ROCK1: variants seen among roughly 807,000 people sequenced by gnomAD.
The protein encoded by ROCK1 is rho-associated protein kinase 1.
A neutral mutation model predicts 196.8 loss-of-function variants in ROCK1; 36 were observed. The observed-to-expected ratio is 0.18, with a 90% confidence interval of 0.14 to 0.24. The LOEUF is 0.24. Among genes scored for constraint, ROCK1 ranks in the 10% least tolerant of loss-of-function variants. ROCK1 has a pLI of 1.00. For missense variants in ROCK1, 920 were observed against 1,562.0 expected (o/e 0.59, Z 6.93); for synonymous variants, 443 against 515.9 (o/e 0.86, Z 1.91).
chr18:21,006,244 A>G (rs2035767712), intron 16 of ROCK1, 107 bp downstream of exon 16: 1 of 841,954 alleles, frequency 1.2e-6, no homozygotes, highest in East Asian at 2.7e-5. Context: ...GGTTGCATAC[A>G]TTGTGAACTG....
intron 1 of ROCK1, among the ~76,000 whole-genome samples, chr18:21,094,104 G>A (rs1395391323): frequency 6.6e-6 from 1 of 152,192 alleles, no homozygotes; most frequent in Non-Finnish European, 1.5e-5. Context: ...TAAAGTTCCA[G>A]TGCTGTAGGC....
chr18:21,082,542 A>C (rs369840304), intron 1 of ROCK1, among the ~76,000 whole-genome samples: 8 of 152,320 alleles, frequency 5.3e-5, no homozygotes, highest in African/African-American at 1.9e-4. Context: ...AAAATATTTT[A>C]ATGTAATCTA....
intron 2 of ROCK1, among the ~76,000 whole-genome samples, chr18:21,055,500 T>C (rs776737321): frequency 6.6e-6 from 1 of 152,162 alleles, no homozygotes; most frequent in Non-Finnish European, 1.5e-5. Context: ...ACTATCAGCA[T>C]GTACAAGCAT....
At chr18:21,061,579 C>A (rs775689334) in intron 2 of ROCK1, among the ~76,000 whole-genome samples, 1 of 152,150 alleles carries the variant, frequency 6.6e-6, no homozygotes, top group Admixed American at 6.5e-5. Flanking sequence ...TTAAGACCCA[C>A]AGAACTATAC....
At chr18:21,088,374 T>C (rs1417420646) in intron 1 of ROCK1, among the ~76,000 whole-genome samples, 1 of 152,130 alleles carries the variant, frequency 6.6e-6, no homozygotes, top group Non-Finnish European at 1.5e-5. Context: ...CACACGCCTG[T>C]GGTCCCAGCT....
At chr18:20,991,074 T>C in intron 18 of ROCK1, 102 bp downstream of exon 18, 5 of 893,732 alleles carry the variant, frequency 5.6e-6, no homozygotes, top group Non-Finnish European at 8.6e-6. Flanking sequence ...ATTTATATTA[T>C]ACTTTCTACG....
At chr18:21,072,752 T>C (rs2036395951) in intron 1 of ROCK1, among the ~76,000 whole-genome samples, 1 of 152,106 alleles carries the variant, frequency 6.6e-6, no homozygotes, top group Non-Finnish European at 1.5e-5. Flanking sequence ...AACATGTCCA[T>C]CATATAGCTT....
intron 13 of ROCK1, among the ~76,000 whole-genome samples, chr18:21,012,148 G>A (rs1294764461): frequency 3.3e-5 from 5 of 151,970 alleles, no homozygotes; most frequent in Non-Finnish European, 5.9e-5. Context: ...ATGGGGTTTT[G>A]CCATGTTGGC....
At chr18:21,069,488 A>C (rs1215947885) in intron 2 of ROCK1, among the ~76,000 whole-genome samples, 1 of 152,128 alleles carries the variant, frequency 6.6e-6, no homozygotes, top group Non-Finnish European at 1.5e-5. Flanking sequence ...CTCTATTTAT[A>C]AAATATACAA....
intron 2 of ROCK1, among the ~76,000 whole-genome samples, chr18:21,059,974 T>C (rs1455043232): frequency 1.3e-5 from 2 of 152,246 alleles, no homozygotes; most frequent in Non-Finnish European, 2.9e-5. Flanking sequence ...AATGTCTCTA[T>C]AGAGTCGGCA....
chr18:21,015,851 G>A (rs544995695), intron 12 of ROCK1, among the ~76,000 whole-genome samples: 2 of 151,476 alleles, frequency 1.3e-5, no homozygotes, highest in African/African-American at 4.8e-5. Flanking sequence ...ATGGTGGCGG[G>A]CGCCTGTAAT....
At chr18:20,988,027 C>G (rs796763861) in intron 18 of ROCK1, among the ~76,000 whole-genome samples, 5 of 152,142 alleles carry the variant, frequency 3.3e-5, no homozygotes, top group African/African-American at 1.2e-4. Context: ...TTACTTCTGG[C>G]CTATCCCCAA....
At chr18:21,102,720 G>T (rs1598564123) in intron 1 of ROCK1, among the ~76,000 whole-genome samples, 2 of 152,048 alleles carry the variant, frequency 1.3e-5, no homozygotes, top group Admixed American at 6.6e-5. Flanking sequence ...ACAAAAATTA[G>T]CCAGGCATGG....
At chr18:20,959,087 T>TAA (rs1568367376) in intron 29 of ROCK1, among the ~76,000 whole-genome samples, 1 of 30,320 alleles carries the variant, frequency 3.3e-5, no homozygotes, top group African/African-American at 1.9e-4. Flanking sequence ...TATATATATT[T>TAA]TATATAATAT....
intron 12 of ROCK1, 21 bp from the exon 13 acceptor site, chr18:21,015,500 C>T (rs1287324777): frequency 2.7e-6 from 4 of 1,455,822 alleles, no homozygotes; most frequent in South Asian, 1.2e-5. Context: ...AAAAGCAATA[C>T]AGATTAGAAA....
intron 21 of ROCK1, among the ~76,000 whole-genome samples, chr18:20,980,458 T>C (rs1402629156): frequency 3.3e-5 from 5 of 151,912 alleles, no homozygotes; most frequent in African/African-American, 1.2e-4. Flanking sequence ...TCATTGTCTG[T>C]GTATAGAGGT....
In ROCK1 at chr18:21,023,609, A is replaced by G. The variant is rs2035932564; in HGVS notation, c.1272+11T>C. 2 of 1,464,510 alleles carry G rather than the reference A, an allele frequency of 1.4e-6. No homozygotes were observed. Among genetic ancestry groups the G allele is most frequent in the African/African-American group, 2.9e-5 (2 of 69,692 alleles). The allele number at this position is 1,464,510 out of a possible 1,614,324, so 90.7% of individuals were successfully genotyped here. Reference sequence around the variant, plus strand: ...TAAAAACAATTTTCTTAATACTAAGAAAATACCTACCAAGCTTTTATCTGC... The same window carrying G: ...TAAAAACAATTTTCTTAATACTAAGGAAATACCTACCAAGCTTTTATCTGC... On this transcript the variant is annotated intron_variant, in intron 11 of 32. Transcript: ENST00000399799.
chr18:20,959,064 T>TATATAATATATATATTATATA (rs2035286964), intron 29 of ROCK1, among the ~76,000 whole-genome samples: 2 of 45,940 alleles, frequency 4.4e-5, no homozygotes, highest in African/African-American at 3.3e-4. Context: ...ATATTATATT[T>TATATAATATATATATTATATA]TATATTATAT....
At position 21,026,445 on chromosome 18, in the gene ROCK1, GAAAAAAAAAAAAA is replaced by G. The variant is rs747563785; in HGVS notation, c.1211+2318_1211+2330del. ...GGCAACAAGAGCAAAACTCTGTCTC[GAAAAAAAAAAAAA>G]AAAAAAAAAAAAGAATGCTTCAGCA... On this transcript the variant is annotated intron_variant, in intron 10 of 32. Coordinates refer to ENST00000399799, the MANE Select transcript of ROCK1 (RefSeq NM_005406.3). 2.0e-4 allele frequency among the ~76,000 whole-genome samples: 7 copies of G among 35,314 alleles called. No homozygotes were observed. The East Asian group carries it at 2.8e-3, about 14-fold the overall frequency. 23.2% of individuals were successfully genotyped at this position (35,314 alleles called of 152,430 possible).
Sources: allele counts gnomAD v4.1 joint callset (sites outside exome capture counted in the v4.1 genomes callset), GRCh38; gene constraint gnomAD v4.1.1; transcripts MANE v1.5; gene names NCBI Gene and HGNC (gene_info 2026-07-23, HGNC 2026-07-21).